DPP10: variants seen among roughly 807,000 people sequenced by gnomAD.
The protein encoded by DPP10 is inactive dipeptidyl peptidase 10.
A neutral mutation model predicts 120.9 loss-of-function variants in DPP10; 33 were observed. The ratio of observed to expected loss-of-function variants is 0.27; its 90% confidence interval spans 0.21 to 0.37. The LOEUF (loss-of-function observed/expected upper bound fraction) is 0.37, where lower values mean the gene tolerates loss of function less well. Ranked by LOEUF, DPP10 falls within the 10% of genes least tolerant of loss-of-function variation. DPP10 has a pLI of 1.00. For synonymous variants in DPP10, 337 were observed against 326.1 expected (o/e 1.03, Z -0.36); for missense variants, 816 against 942.8 (o/e 0.87, Z 1.76).
At chr2:115,234,149 A>T (rs2057879959) in intron 1 of DPP10, among the ~76,000 whole-genome samples, 1 of 152,278 alleles carries the variant, frequency 6.6e-6, no homozygotes, top group African/African-American at 2.4e-5. Context: ...TTTTTTCTGC[A>T]GCCCACACTT....
chr2:114,585,749 C>T (rs1690921394), intron 1 of DPP10, among the ~76,000 whole-genome samples: 1 of 152,112 alleles, frequency 6.6e-6, no homozygotes, highest in Admixed American at 6.5e-5. Flanking sequence ...TGGCGATTAC[C>T]ACCAGAATTG....
At chr2:115,746,663 ATT>A (rs1291325761) in intron 10 of DPP10, among the ~76,000 whole-genome samples, 1 of 152,126 alleles carries the variant, frequency 6.6e-6, no homozygotes, top group Non-Finnish European at 1.5e-5. Context: ...AAATACTTAT[ATT>A]TAAGAAACTT....
At chr2:114,815,308 C>T (rs1685533946) in intron 1 of DPP10, among the ~76,000 whole-genome samples, 1 of 152,148 alleles carries the variant, frequency 6.6e-6, no homozygotes, top group Non-Finnish European at 1.5e-5. Flanking sequence ...ATCACCTCAA[C>T]ATCTGAAGAA....
chr2:115,392,054 A>T (rs1312954380), intron 3 of DPP10, among the ~76,000 whole-genome samples: 1 of 152,194 alleles, frequency 6.6e-6, no homozygotes, highest in Non-Finnish European at 1.5e-5. Flanking sequence ...CATCTGTATA[A>T]TAAAGAGTTG....
intron 1 of DPP10, among the ~76,000 whole-genome samples, chr2:114,741,555 G>T (rs1017410589): frequency 3.9e-5 from 6 of 152,114 alleles, no homozygotes; most frequent in African/African-American, 1.4e-4. Context: ...ATGTTCAATT[G>T]TGTTCCCCAA....
chr2:115,089,988 G>T (rs1194106784), intron 1 of DPP10, among the ~76,000 whole-genome samples: 1 of 151,394 alleles, frequency 6.6e-6, no homozygotes, highest in East Asian at 1.9e-4. Flanking sequence ...CAGCAACTCA[G>T]TATCTAGTAC....
At chr2:114,924,006 G>T (rs1695408463) in intron 1 of DPP10, among the ~76,000 whole-genome samples, 1 of 152,096 alleles carries the variant, frequency 6.6e-6, no homozygotes, top group African/African-American at 2.4e-5. Context: ...TTACAGGTGT[G>T]AGCCACTGGG....
At chr2:115,671,631 TTATAAC>T (rs1176584182) in intron 5 of DPP10, among the ~76,000 whole-genome samples, 6 of 152,140 alleles carry the variant, frequency 3.9e-5, no homozygotes, top group African/African-American at 1.4e-4. Flanking sequence ...GCTAGAAAAT[TTATAAC>T]TATAATTGTA....
chr2:115,007,047 A>G (rs1701904118), intron 1 of DPP10, among the ~76,000 whole-genome samples: 1 of 152,100 alleles, frequency 6.6e-6, no homozygotes, highest in African/African-American at 2.4e-5. Flanking sequence ...TCCAACTAGA[A>G]CTCAGGATTA....
chr2:115,791,201 G>A (rs1258552946), intron 18 of DPP10, 22 bp downstream of exon 18: 2 of 1,608,532 alleles, frequency 1.2e-6, no homozygotes, highest in Admixed American at 1.7e-5. Flanking sequence ...TGCATGCTAT[G>A]TTATTCAAGA....
chr2:114,746,546 G>T (rs1023681600), intron 1 of DPP10, among the ~76,000 whole-genome samples: 3 of 152,154 alleles, frequency 2.0e-5, no homozygotes, highest in Non-Finnish European at 4.4e-5. Context: ...ATTCAGTCTT[G>T]CATGATCAGT....
At chr2:114,888,142 C>CAAAA (rs1231068172) in intron 1 of DPP10, among the ~76,000 whole-genome samples, 1 of 66,376 alleles carries the variant, frequency 1.5e-5, no homozygotes, top group Non-Finnish European at 3.3e-5. Flanking sequence ...GCCTCCGTCT[C>CAAAA]AAAAAAAAAA....
chr2:114,945,691 C>T (rs1697294461), intron 1 of DPP10, among the ~76,000 whole-genome samples: 1 of 152,140 alleles, frequency 6.6e-6, no homozygotes, highest in African/African-American at 2.4e-5. Flanking sequence ...CGGCGGACAC[C>T]TGTAATCCCA....
intron 12 of DPP10, among the ~76,000 whole-genome samples, chr2:115,767,550 T>C (rs937411118): frequency 6.6e-5 from 10 of 151,852 alleles, no homozygotes; most frequent in African/African-American, 1.9e-4. Flanking sequence ...AGTGTGTGTA[T>C]ATATACACAC....
intron 10 of DPP10, among the ~76,000 whole-genome samples, chr2:115,751,469 C>T (rs982235548): frequency 3.3e-5 from 5 of 152,118 alleles, no homozygotes; most frequent in African/African-American, 1.2e-4. Flanking sequence ...GTTTTGATTT[C>T]ACTGAGTTTA....
intron 1 of DPP10, among the ~76,000 whole-genome samples, chr2:114,924,959 C>G (rs1423348367): frequency 6.6e-6 from 1 of 152,122 alleles, no homozygotes; most frequent in Non-Finnish European, 1.5e-5. Context: ...CGCCAGTAAT[C>G]CCAGCACTTT....
chr2:115,472,660 C>A lies in DPP10; in HGVS notation c.272-26850C>A, dbSNP rs1204306795. Among the ~76,000 whole-genome samples the A allele has an allele frequency of 3.3e-5, 5 of 152,240 alleles. No homozygotes were observed. In the East Asian group the frequency reaches 9.7e-4, roughly 29 times the overall value. On this transcript the variant is annotated intron_variant, in intron 3 of 25. Coordinates refer to ENST00000410059, the MANE Select transcript of DPP10 (RefSeq NM_020868.6). ...GTATTGAAATAGTTTTATTTGCCTA[C>A]CTGCCCCATTCTACTGTGTGCATCT...
intron 13 of DPP10, among the ~76,000 whole-genome samples, chr2:115,774,998 G>A (rs1318946418): frequency 6.6e-6 from 1 of 151,888 alleles, no homozygotes. Context: ...ACATTTAAAA[G>A]GTTATACATT....
intron 1 of DPP10, among the ~76,000 whole-genome samples, chr2:114,805,261 T>C (rs923996843): frequency 1.3e-5 from 2 of 152,170 alleles, no homozygotes; most frequent in African/African-American, 4.8e-5. Flanking sequence ...AACAGACTGA[T>C]ACACAAAGAA....
Sources: allele counts gnomAD v4.1 joint callset (sites outside exome capture counted in the v4.1 genomes callset), GRCh38; gene constraint gnomAD v4.1.1; transcripts MANE v1.5; gene names NCBI Gene and HGNC (gene_info 2026-07-23, HGNC 2026-07-21).